Variants in LAMA2 observed in about 807,000 individuals in gnomAD.
LAMA2 encodes the protein laminin subunit alpha 2.
LAMA2 carries 269 observed loss-of-function variants against 364.8 expected under a neutral mutation model. That is an observed-to-expected ratio of 0.74 (90% CI 0.67 to 0.82). The LOEUF (loss-of-function observed/expected upper bound fraction) is 0.82, where lower values mean the gene tolerates loss of function less well. Ranked by LOEUF, LAMA2 falls within the 40% of genes least tolerant of loss-of-function variation. The probability of loss-of-function intolerance (pLI) is 0.00; values close to 1 mark genes in which losing one functional copy is unlikely to be tolerated. For synonymous variants in LAMA2, 1,379 were observed against 1,370.6 expected, an observed-to-expected ratio of 1.01 and a Z score of -0.14; for missense variants, 3,807 against 3,873.2, an observed-to-expected ratio of 0.98 and a Z score of 0.45.
At chr6:129,126,804 G>T (rs201979275) in intron 4 of LAMA2, among the ~76,000 whole-genome samples, 1 of 152,298 alleles carries the variant, frequency 6.6e-6, no homozygotes, top group East Asian at 1.9e-4. Flanking sequence ...TAGGGACTGG[G>T]CACAGTTGCT....
intron 6 of LAMA2, among the ~76,000 whole-genome samples, chr6:129,147,669 T>A (rs961497557): frequency 1.1e-4 from 17 of 152,034 alleles, no homozygotes; most frequent in Non-Finnish European, 2.1e-4. Context: ...ATAGACAAAC[T>A]GGTGAAATTC....
chr6:129,158,975 G>T, intron 8 of LAMA2: 1 of 1,589,848 alleles, frequency 6.3e-7, no homozygotes, highest in South Asian at 1.1e-5. Context: ...TGGTGCTAAG[G>T]TTACTCCATT....
chr6:129,456,264 T>C (rs1274346712), intron 47 of LAMA2, 71 bp from the exon 48 acceptor site: 1 of 1,389,842 alleles, frequency 7.2e-7, no homozygotes, highest in Non-Finnish European at 1.0e-6. Flanking sequence ...AAATCTGGAA[T>C]TACCAGAAAT....
At chr6:129,476,245 A>C (rs750218937) in intron 53 of LAMA2, among the ~76,000 whole-genome samples, 2 of 152,204 alleles carry the variant, frequency 1.3e-5, no homozygotes, top group Non-Finnish European at 2.9e-5. Context: ...CTGATCCAAG[A>C]AATTTTTAAA....
At chr6:129,118,847 G>A (rs1321062164) in intron 4 of LAMA2, among the ~76,000 whole-genome samples, 1 of 152,148 alleles carries the variant, frequency 6.6e-6, no homozygotes, top group African/African-American at 2.4e-5. Context: ...GGACCCTAGT[G>A]GTATTGATGG....
At chr6:129,415,688 A>G (rs903966901) in intron 40 of LAMA2, among the ~76,000 whole-genome samples, 1 of 152,034 alleles carries the variant, frequency 6.6e-6, no homozygotes, top group Admixed American at 6.5e-5. Context: ...TCTACTAAAA[A>G]TACAAAAATT....
chr6:129,295,715 T>C (rs1773130534), intron 20 of LAMA2, among the ~76,000 whole-genome samples: 1 of 151,796 alleles, frequency 6.6e-6, no homozygotes, highest in South Asian at 2.1e-4. Context: ...TTTAAAGGGG[T>C]GTACACACAC....
intron 1 of LAMA2, among the ~76,000 whole-genome samples, chr6:128,974,221 A>T (rs980296050): frequency 6.6e-6 from 1 of 152,212 alleles, no homozygotes; most frequent in Non-Finnish European, 1.5e-5. Flanking sequence ...TGACTGTCAA[A>T]CAGGTCACAA....
chr6:129,154,483 A>T (rs780946212), intron 7 of LAMA2, 22 bp from the exon 8 acceptor site: 1 of 1,583,886 alleles, frequency 6.3e-7, no homozygotes, highest in Admixed American at 1.7e-5. Context: ...GATGTTTATT[A>T]ATTTATTTTT....
intron 1 of LAMA2, among the ~76,000 whole-genome samples, chr6:128,986,013 A>G (rs909145703): frequency 6.6e-6 from 1 of 152,058 alleles, no homozygotes; most frequent in African/African-American, 2.4e-5. Flanking sequence ...CTTTCTTTTT[A>G]TTTCCCAGTT....
intron 1 of LAMA2, among the ~76,000 whole-genome samples, chr6:129,030,209 CCTTA>C (rs1264730454): frequency 1.3e-5 from 2 of 152,044 alleles, no homozygotes; most frequent in African/African-American, 4.8e-5. Context: ...ATTGTCAACC[CCTTA>C]CTTTGATTAT....
chr6:128,922,588 A>G (rs1482231294), intron 1 of LAMA2, among the ~76,000 whole-genome samples: 1 of 151,514 alleles, frequency 6.6e-6, no homozygotes, highest in Non-Finnish European at 1.5e-5. Context: ...GTTTGAGTTC[A>G]TTGTAGATTC....
chr6:129,486,673 TGCTAGCATC>T, intron 56 of LAMA2, 51 bp downstream of exon 56: 1 of 1,542,062 alleles, frequency 6.5e-7, no homozygotes, highest in Non-Finnish European at 9.0e-7. Context: ...GAACTTCCTT[TGCTAGCATC>T]GGTATCTATC....
intron 15 of LAMA2, among the ~76,000 whole-genome samples, chr6:129,264,359 C>T (rs759943265): frequency 2.6e-5 from 4 of 151,552 alleles, no homozygotes; most frequent in Non-Finnish European, 5.9e-5. Flanking sequence ...GTGTCATTTA[C>T]TGAGCTGAGG....
At chr6:129,378,762 A>T (rs1778515957) in intron 34 of LAMA2, among the ~76,000 whole-genome samples, 1 of 152,188 alleles carries the variant, frequency 6.6e-6, no homozygotes, top group Admixed American at 6.5e-5. Context: ...AATTCCCTGT[A>T]CATGTAAGTT....
rs770378272 is a variant in LAMA2, at chr6:129,442,186, G to T, written c.6269-877G>T. ...GCCATAAAATTCAAATGCTGTTTGA[G>T]TGGGGAATGGAGCCTGATTTCAGCA... On this transcript the variant is annotated intron_variant, in intron 43 of 64. Transcript: ENST00000421865. 8.4e-6 allele frequency: 11 copies of T among 1,317,236 alleles called. No individual in the cohort carries two copies. In the African/African-American group the frequency reaches 1.6e-4, roughly 20 times the overall value. 81.6% of individuals were successfully genotyped at this position (1,317,236 alleles called of 1,614,324 possible).
intron 4 of LAMA2, among the ~76,000 whole-genome samples, chr6:129,101,880 T>C (rs2114880777): frequency 6.6e-6 from 1 of 152,326 alleles, no homozygotes; most frequent in African/African-American, 2.4e-5. Context: ...CTCTGCTCTA[T>C]GATTCTAATT....
intron 29 of LAMA2, among the ~76,000 whole-genome samples, chr6:129,341,241 T>C (rs1320618873): frequency 6.6e-6 from 1 of 152,204 alleles, no homozygotes. Flanking sequence ...GTCTATGGGA[T>C]ATCATCCAAG....
At chr6:129,351,315 A>C (rs549254421) in intron 31 of LAMA2, among the ~76,000 whole-genome samples, 16 of 152,334 alleles carry the variant, frequency 1.1e-4, no homozygotes, top group Admixed American at 4.6e-4. Flanking sequence ...GAATGATTAC[A>C]GAAAATTTAT....
Sources: allele counts gnomAD v4.1 joint callset (sites outside exome capture counted in the v4.1 genomes callset), GRCh38; gene constraint gnomAD v4.1.1; transcripts MANE v1.5; gene names NCBI Gene and HGNC (gene_info 2026-07-23, HGNC 2026-07-21).